Variants in CEP55 observed in about 807,000 individuals in gnomAD.
CEP55 encodes the protein centrosomal protein 55.
In CEP55, 57 loss-of-function variants were observed where a neutral mutation model predicts 63.2. That is an observed-to-expected ratio of 0.90 (90% CI 0.73 to 1.13). The LOEUF (loss-of-function observed/expected upper bound fraction) is 1.13. CEP55 is among the 50% of genes most tolerant of loss of function. The probability of loss-of-function intolerance (pLI) is 0.00; values close to 1 mark genes in which losing one functional copy is unlikely to be tolerated. For missense variants in CEP55, 456 were observed against 518.9 expected (o/e 0.88, Z 1.18); for synonymous variants, 178 against 191.6 (o/e 0.93, Z 0.59).
At position 93,524,850 on chromosome 10, in the gene CEP55, C is replaced by T. The variant is rs1300764756; in HGVS notation, c.1192-3100C>T. On this transcript the variant is annotated intron_variant, in intron 8 of 8. Coordinates refer to ENST00000371485, the MANE Select transcript of CEP55 (RefSeq NM_018131.5). ...CCAACGACAAAAACCACATGATTAT[C>T]TCAATAGATGCAGAAAAGGCCTTTG... 4.7e-3 allele frequency among the ~76,000 whole-genome samples: 715 copies of T among 152,288 alleles called. 3 individuals carry two copies. Among genetic ancestry groups the T allele is most frequent in the Non-Finnish European group, 7.4e-3 (504 of 68,026 alleles).
intron 3 of CEP55, among the ~76,000 whole-genome samples, chr10:93,504,143 T>C (rs2057663858): frequency 6.6e-6 from 1 of 152,138 alleles, no homozygotes; most frequent in Admixed American, 6.5e-5. Flanking sequence ...CTTTGATTCT[T>C]TTGGAGATTT....
At chr10:93,515,663 G>C in intron 5 of CEP55, 108 bp downstream of exon 5, 1 of 1,159,146 alleles carries the variant, frequency 8.6e-7, no homozygotes, top group Non-Finnish European at 1.2e-6. Context: ...AGTAAAATAA[G>C]AGCAAGTCTT....
Position 93,511,008 on chromosome 10 carries a change from A to C in CEP55, c.528+3952A>C, listed in dbSNP as rs145444478. On this transcript the variant is annotated intron_variant, in intron 4 of 8. Transcript: ENST00000371485. ...GGCTGTAGTGCAGTGGCACGGTCTC[A>C]GCTCACTGCAACCTCTGCCTCCCTG... 9.9e-3 allele frequency among the ~76,000 whole-genome samples: 1,436 copies of C among 145,234 alleles called. 26 individuals carry two copies. The highest frequency in any genetic ancestry group is 0.035 in the African/African-American group (1,364 of 38,946).
At chr10:93,518,428 G>A (rs1589656249) in intron 6 of CEP55, among the ~76,000 whole-genome samples, 1 of 152,290 alleles carries the variant, frequency 6.6e-6, no homozygotes, top group East Asian at 1.9e-4. Context: ...GGGATTACAG[G>A]TGCAAGCCAC....
chr10:93,525,953 T>C (rs1228037225), intron 8 of CEP55, among the ~76,000 whole-genome samples: 3 of 152,132 alleles, frequency 2.0e-5, no homozygotes, highest in African/African-American at 7.2e-5. Context: ...GGATTAAAGA[T>C]TTACATGTTA....
intron 6 of CEP55, among the ~76,000 whole-genome samples, 185 bp from the exon 7 acceptor site, chr10:93,518,692 G>A (rs998806620): frequency 2.0e-5 from 3 of 152,172 alleles, no homozygotes; most frequent in African/African-American, 2.4e-5. Context: ...CGGCAAGGGC[G>A]GTGGTATACT....
intron 7 of CEP55, chr10:93,519,202 C>A: frequency 2.2e-6 from 1 of 455,722 alleles, no homozygotes; most frequent in Non-Finnish European, 3.9e-6. Flanking sequence ...TAGATGTTGG[C>A]CTTGGCAAAT....
chr10:93,498,574 A>C (rs917637390), intron 1 of CEP55, among the ~76,000 whole-genome samples: 5 of 152,180 alleles, frequency 3.3e-5, no homozygotes, highest in African/African-American at 1.2e-4. Context: ...GATTTCTTCT[A>C]CTCAATCTCC....
intron 4 of CEP55, among the ~76,000 whole-genome samples, chr10:93,509,621 G>C (rs974784641): frequency 1.3e-5 from 2 of 152,110 alleles, no homozygotes; most frequent in African/African-American, 4.8e-5. Flanking sequence ...GAGTAACAGG[G>C]ATTACAGGTG....
chr10:93,500,958 T>A (rs921183837), intron 2 of CEP55, among the ~76,000 whole-genome samples: 2 of 152,112 alleles, frequency 1.3e-5, no homozygotes, highest in Non-Finnish European at 2.9e-5. Flanking sequence ...AAATTACTCG[T>A]TGATGTACTT....
chr10:93,524,254 G>T (rs1322196241), intron 8 of CEP55, among the ~76,000 whole-genome samples: 1 of 152,102 alleles, frequency 6.6e-6, no homozygotes. Flanking sequence ...ATGATAAAGG[G>T]GATATCACAC....
Position 93,517,242 on chromosome 10 carries a change from A to G in CEP55, c.987A>G (p.Leu329=), listed in dbSNP as rs1400321996. The G allele has an allele frequency of 6.3e-7, 1 of 1,590,702 alleles. No individual in the cohort carries two copies. Among genetic ancestry groups the G allele is most frequent in the South Asian group, 1.1e-5 (1 of 86,978 alleles). ...EEEKKRSEEL[L]SQVQFLYTSL... ...AGAAGAAGAGATCCGAAGAGCTCTT[A>G]TCTCAGGTAAACTTAACCAGATCCA... is the stretch of plus-strand genomic sequence containing the variant. The change falls in exon 6 of 9, where the codon TTA becomes TTG. Residue 329 remains leucine (L), a synonymous_variant. Transcript: ENST00000371485.
chr10:93,504,490 C>T (rs1200530772), intron 3 of CEP55, among the ~76,000 whole-genome samples: 1 of 150,690 alleles, frequency 6.6e-6, no homozygotes, highest in African/African-American at 2.4e-5. Context: ...AAAAAATCAT[C>T]TATAGTAGAA....
intron 4 of CEP55, among the ~76,000 whole-genome samples, chr10:93,513,402 A>G (rs1178424118): frequency 2.6e-5 from 4 of 151,984 alleles, no homozygotes; most frequent in Non-Finnish European, 5.9e-5. Flanking sequence ...GTTTCCATAC[A>G]TGTAGATCTT....
intron 4 of CEP55, among the ~76,000 whole-genome samples, chr10:93,513,114 TCTCCA>T (rs2057769190): frequency 6.6e-6 from 1 of 152,194 alleles, no homozygotes; most frequent in Non-Finnish European, 1.5e-5. Flanking sequence ...ATATACAATA[TCTCCA>T]CTTGACAAAT....
intron 7 of CEP55, 38 bp from the exon 8 acceptor site, chr10:93,519,644 G>C (rs1049194644): frequency 1.1e-5 from 18 of 1,608,106 alleles, no homozygotes; most frequent in Non-Finnish European, 1.4e-5. Flanking sequence ...TAGACAGTCT[G>C]TATCAGCTGT....
rs1005025692 is a variant in CEP55, at chr10:93,504,344, G to A, written c.459+956G>A. 5.9e-5 allele frequency among the ~76,000 whole-genome samples: 9 copies of A among 152,068 alleles called. No individual in the cohort carries two copies. The South Asian group carries it at 6.2e-4, about 11-fold the overall frequency. The stretch of plus-strand genomic sequence containing the variant: ...AAAAATTAGCCGAGTGTGACGGCAC[G>A]CATCTGTAATCCCAGCTATTCGGGA... On this transcript the variant is annotated intron_variant, in intron 3 of 8. Transcript: ENST00000371485.
intron 6 of CEP55, 151 bp from the exon 7 acceptor site, chr10:93,518,726 C>A: frequency 1.8e-6 from 1 of 559,480 alleles, no homozygotes; most frequent in Non-Finnish European, 3.2e-6. Flanking sequence ...CATAGATAGC[C>A]ATCAGATGGC....
intron 8 of CEP55, among the ~76,000 whole-genome samples, chr10:93,523,536 A>G (rs1419934578): frequency 6.6e-6 from 1 of 152,202 alleles, no homozygotes; most frequent in Non-Finnish European, 1.5e-5. Context: ...TCCACGAGAC[A>G]GAAAGTTAAC....
Sources: allele counts gnomAD v4.1 joint callset (sites outside exome capture counted in the v4.1 genomes callset), GRCh38; gene constraint gnomAD v4.1.1; transcripts MANE v1.5; gene names NCBI Gene and HGNC (gene_info 2026-07-23, HGNC 2026-07-21).